The following PBX3 variants were observed in gnomAD, a reference collection of about 807,000 sequenced individuals.
PBX3 encodes pre-B-cell leukemia transcription factor 3.
Under a neutral mutation model 48.5 loss-of-function variants are expected in PBX3, and 14 were observed. That is an observed-to-expected ratio of 0.29 (90% CI 0.19 to 0.45). PBX3 has a LOEUF of 0.45. Among genes scored for constraint, PBX3 ranks in the 20% least tolerant of loss-of-function variants. The pLI, the probability that PBX3 is intolerant of heterozygous loss-of-function variation, is 1.00. For missense variants in PBX3, 386 were observed against 546.7 expected (o/e 0.71, Z 2.93); for synonymous variants, 210 against 200.3 (o/e 1.05, Z -0.41).
At chr9:125,800,943 G>C (rs183227182) in intron 2 of PBX3, among the ~76,000 whole-genome samples, 111 of 151,956 alleles carry the variant, frequency 7.3e-4, no homozygotes, top group African/African-American at 2.5e-3. Flanking sequence ...AGTAGAGACG[G>C]GATTTCACCA....
At chr9:125,783,660 T>A (rs1240261586) in intron 2 of PBX3, among the ~76,000 whole-genome samples, 1 of 152,214 alleles carries the variant, frequency 6.6e-6, no homozygotes, top group Non-Finnish European at 1.5e-5. Flanking sequence ...TGGTTTCTTT[T>A]AACTCCTTGT....
chr9:125,859,852 T>A (rs796860664), intron 2 of PBX3, among the ~76,000 whole-genome samples: 14 of 152,364 alleles, frequency 9.2e-5, no homozygotes, highest in African/African-American at 2.4e-4. Flanking sequence ...AAAATGTGTG[T>A]TATCAGTAAA....
At chr9:125,949,400 A>C (rs1022903900) in intron 5 of PBX3, 15 of 1,550,862 alleles carry the variant, frequency 9.7e-6, no homozygotes, top group Middle Eastern at 3.3e-4. Flanking sequence ...GATCCAAAAG[A>C]AAGAGGGAGC....
intron 2 of PBX3, among the ~76,000 whole-genome samples, chr9:125,889,241 T>C (rs1047074879): frequency 2.0e-5 from 3 of 152,232 alleles, no homozygotes; most frequent in Non-Finnish European, 4.4e-5. Flanking sequence ...GAGAGCTGTC[T>C]CCTGGTCCGG....
intron 2 of PBX3, among the ~76,000 whole-genome samples, chr9:125,835,041 AAAAAAAAAAAG>A (rs1839087446): frequency 6.9e-6 from 1 of 144,306 alleles, no homozygotes; most frequent in Non-Finnish European, 1.5e-5. Flanking sequence ...AAAAAAAAAA[AAAAAAAAAAAG>A]GGCAAAAGAT....
chr9:125,853,820 A>G (rs993776522), intron 2 of PBX3, among the ~76,000 whole-genome samples: 1 of 152,210 alleles, frequency 6.6e-6, no homozygotes, highest in African/African-American at 2.4e-5. Flanking sequence ...ACATGAACAC[A>G]ATTTAAAAAT....
chr9:125,866,767 A>T (rs901455462), intron 2 of PBX3, among the ~76,000 whole-genome samples: 2 of 152,232 alleles, frequency 1.3e-5, no homozygotes, highest in Non-Finnish European at 2.9e-5. Flanking sequence ...TCTGCTTAAA[A>T]AATTTCAAAA....
chr9:125,749,567 T>G (rs1434933000), intron 2 of PBX3: 1 of 151,472 alleles, frequency 6.6e-6, no homozygotes, highest in African/African-American at 2.4e-5. Flanking sequence ...TTTCTTTTTT[T>G]TTTTTTTTTT....
chr9:125,856,248 T>G (rs534460475), intron 2 of PBX3, among the ~76,000 whole-genome samples: 2 of 152,334 alleles, frequency 1.3e-5, no homozygotes, highest in Admixed American at 1.3e-4. Flanking sequence ...AAGTGGGGCC[T>G]CTTTTTGAAT....
At chr9:125,802,540 C>T (rs56815698) in intron 2 of PBX3, among the ~76,000 whole-genome samples, 4,849 of 151,314 alleles carry the variant, frequency 0.032, 264 homozygotes, top group African/African-American at 0.11. Flanking sequence ...AGCTAATTTT[C>T]GTATTTTTTG....
At chr9:125,791,938 A>C (rs1261285680) in intron 2 of PBX3, among the ~76,000 whole-genome samples, 1 of 152,052 alleles carries the variant, frequency 6.6e-6, no homozygotes, top group Non-Finnish European at 1.5e-5. Context: ...CTTCCCATAC[A>C]GCCTGTGGAA....
At chr9:125,782,806 C>T (rs59213482) in intron 2 of PBX3, among the ~76,000 whole-genome samples, 13 of 152,136 alleles carry the variant, frequency 8.5e-5, no homozygotes, top group East Asian at 5.8e-4. Flanking sequence ...TCATTTTTGA[C>T]GGACAATTTT....
chr9:125,946,761 G>C (rs1842073146), intron 5 of PBX3, among the ~76,000 whole-genome samples: 1 of 152,106 alleles, frequency 6.6e-6, no homozygotes, highest in African/African-American at 2.4e-5. Flanking sequence ...ATGTGATTGA[G>C]CCCCAGAAGC....
At chr9:125,899,411 G>GTA (rs1469377534) in intron 2 of PBX3, among the ~76,000 whole-genome samples, 11 of 127,242 alleles carry the variant, frequency 8.6e-5, no homozygotes, top group African/African-American at 3.2e-4. Context: ...ATATATGTAT[G>GTA]TATATATATG....
At chr9:125,866,101 A>G (rs1473299841) in intron 2 of PBX3, among the ~76,000 whole-genome samples, 1 of 152,130 alleles carries the variant, frequency 6.6e-6, no homozygotes, top group Non-Finnish European at 1.5e-5. Context: ...TTGCTCAGAG[A>G]TTACCACTCT....
chr9:125,845,930 A>G (rs1455936948), intron 2 of PBX3, among the ~76,000 whole-genome samples: 3 of 152,124 alleles, frequency 2.0e-5, no homozygotes, highest in Non-Finnish European at 4.4e-5. Context: ...GTATAAAAAT[A>G]TTTTATTGTA....
chr9:125,875,381 ACCT>A (rs1033868252), intron 2 of PBX3, among the ~76,000 whole-genome samples: 1 of 151,898 alleles, frequency 6.6e-6, no homozygotes, highest in Non-Finnish European at 1.5e-5. Context: ...CTGTATTTTG[ACCT>A]CCTTAATCAT....
At chr9:125,882,108 TA>T (rs1226070126) in intron 2 of PBX3, among the ~76,000 whole-genome samples, 3 of 152,092 alleles carry the variant, frequency 2.0e-5, no homozygotes, top group African/African-American at 4.8e-5. Context: ...CACATGCTTG[TA>T]ATCCTAGCTA....
At chr9:125,749,589 G>C (rs1292820490) in intron 2 of PBX3, 2 of 147,526 alleles carry the variant, frequency 1.4e-5, no homozygotes, top group South Asian at 4.3e-4. Context: ...GTGTGTGTTG[G>C]ATGTATGGTA....
Sources: allele counts gnomAD v4.1 joint callset (sites outside exome capture counted in the v4.1 genomes callset), GRCh38; gene constraint gnomAD v4.1.1; transcripts MANE v1.5; gene names NCBI Gene and HGNC (gene_info 2026-07-23, HGNC 2026-07-21).